The following CTNND2 variants were observed in gnomAD, a reference collection of about 807,000 sequenced individuals.
CTNND2 encodes catenin delta 2, also known as catenin delta-2.
Under a neutral mutation model 144.4 loss-of-function variants are expected in CTNND2, and 22 were observed. That is an observed-to-expected ratio of 0.15 (90% CI 0.11 to 0.22). The LOEUF (loss-of-function observed/expected upper bound fraction) is 0.22, where lower values mean the gene tolerates loss of function less well. Among genes scored for constraint, CTNND2 ranks in the 10% least tolerant of loss-of-function variants. The pLI, the probability that CTNND2 is intolerant of heterozygous loss-of-function variation, is 1.00. For missense variants in CTNND2, 1,353 were observed against 1,618.8 expected (o/e 0.84, Z 2.82); for synonymous variants, 751 against 695.6 (o/e 1.08, Z -1.25).
rs549384576 is a variant in CTNND2 at position 11,742,217 on chromosome 5, T to A, written c.38-9945A>T. On this transcript the variant is annotated intron_variant, in intron 1 of 21. Transcript: ENST00000304623. ...CTTATGGAGGAAAAAAATATATTGA[T>A]GACTTCTAAACATTGCTTGTCAAAT... Among the ~76,000 whole-genome samples, 205 of 152,300 alleles carry A rather than the reference T, an allele frequency of 1.3e-3. 1 individual carries two copies. The Middle Eastern group carries it at 0.014, about 10-fold the overall frequency.
At chr5:11,813,698 G>C (rs1371013678) in intron 1 of CTNND2, among the ~76,000 whole-genome samples, 1 of 151,938 alleles carries the variant, frequency 6.6e-6, no homozygotes, top group Non-Finnish European at 1.5e-5. Flanking sequence ...ATTTTTTGTA[G>C]AGACAGGGTC....
At chr5:11,615,680 T>C (rs992557996) in intron 2 of CTNND2, among the ~76,000 whole-genome samples, 1 of 152,196 alleles carries the variant, frequency 6.6e-6, no homozygotes, top group Admixed American at 6.6e-5. Context: ...AAACTCTATA[T>C]TCTGGCTGTT....
At chr5:11,843,772 CTT>C (rs906364946) in intron 1 of CTNND2, among the ~76,000 whole-genome samples, 2 of 152,110 alleles carry the variant, frequency 1.3e-5, no homozygotes, top group African/African-American at 2.4e-5. Context: ...GAAATTGACT[CTT>C]TGACTCTATT....
chr5:11,026,355 TC>T (rs1263449870), intron 16 of CTNND2, among the ~76,000 whole-genome samples: 2 of 124,942 alleles, frequency 1.6e-5, no homozygotes, highest in Non-Finnish European at 3.4e-5. Flanking sequence ...ACCTTCTTCT[TC>T]TTTTTTTTTT....
rs116832206 is a variant in CTNND2, at chr5:11,207,283, G to A, written c.1762-7622C>T. Among the ~76,000 whole-genome samples the A allele has an allele frequency of 2.2e-3, 331 of 151,632 alleles. 3 individuals carry two copies. Among genetic ancestry groups the A allele is most frequent in the African/African-American group, 6.7e-3 (278 of 41,280 alleles). Reference sequence around the variant, plus strand: ...GATAGCATTAGGAGAAATACCTAACGTACATGACGGGTTGATGGGTGCAGA... The same window carrying A: ...GATAGCATTAGGAGAAATACCTAACATACATGACGGGTTGATGGGTGCAGA... On this transcript the variant is annotated intron_variant, in intron 10 of 21. Transcript: ENST00000304623.
At chr5:11,377,607 C>CA (rs1335839317) in intron 7 of CTNND2, among the ~76,000 whole-genome samples, 2 of 151,640 alleles carry the variant, frequency 1.3e-5, no homozygotes, top group Non-Finnish European at 2.9e-5. Context: ...TACCAAAGAA[C>CA]AAAAAAAGGA....
intron 11 of CTNND2, among the ~76,000 whole-genome samples, chr5:11,194,978 T>C (rs1183307618): frequency 3.3e-5 from 5 of 151,948 alleles, no homozygotes; most frequent in African/African-American, 1.2e-4. Flanking sequence ...GAACATATGA[T>C]AAAAAGGCAA....
intron 16 of CTNND2, among the ~76,000 whole-genome samples, chr5:11,064,959 G>A (rs1319467507): frequency 6.6e-6 from 1 of 152,150 alleles, no homozygotes; most frequent in African/African-American, 2.4e-5. Flanking sequence ...AGGAGCTGGT[G>A]GGTTACAGAT....
chr5:11,732,394 C>A, intron 1 of CTNND2, 122 bp from the exon 2 acceptor site: 1 of 849,726 alleles, frequency 1.2e-6, no homozygotes, highest in Non-Finnish European at 1.8e-6. Flanking sequence ...TGAGAAAGAC[C>A]AAGACATAAT....
intron 16 of CTNND2, among the ~76,000 whole-genome samples, chr5:11,081,642 A>C (rs1195431100): frequency 1.3e-5 from 2 of 152,300 alleles, no homozygotes; most frequent in African/African-American, 4.8e-5. Context: ...TCATAACATC[A>C]CTTTGTGTCC....
chr5:11,565,034 G>T lies in CTNND2; in HGVS notation c.197C>A (p.Thr66Asn). 6.2e-7 allele frequency: 1 copy of T among 1,613,920 alleles called. No homozygotes were observed. Among genetic ancestry groups the T allele is most frequent in the Non-Finnish European group, 8.5e-7 (1 of 1,179,806 alleles). Residue 66 changes from threonine (T) to asparagine (N), a missense_variant, in exon 3 of 22, where the codon ACC becomes AAC. Physicochemically the swap from Thr to Asn is moderately conservative, Grantham distance 65 (BLOSUM62 0). Around this residue, in one of 4 missense-constraint regions of CTNND2, gnomAD observed 708 missense variants for 706.4 expected, o/e 1.00. Coordinates refer to ENST00000304623, the MANE Select transcript of CTNND2 (RefSeq NM_001332.4). The part of the protein sequence containing the change: ...KEQELQFERL[T>N]RELEAERQIV... ...CTGCCGTTCAGCCTCCAGCTCTCGG[G>T]TCAGCCTTTCAAACTGTAATTCCTG...
intron 12 of CTNND2, among the ~76,000 whole-genome samples, chr5:11,133,301 AG>A (rs1236982593): frequency 2.0e-5 from 3 of 152,146 alleles, no homozygotes; most frequent in Non-Finnish European, 1.5e-5. Flanking sequence ...GTCTTCTCCC[AG>A]TAACTAGTAA....
chr5:11,633,593 T>C (rs1234762733), intron 2 of CTNND2, among the ~76,000 whole-genome samples: 1 of 151,984 alleles, frequency 6.6e-6, no homozygotes, highest in Non-Finnish European at 1.5e-5. Flanking sequence ...ATGGCCAACA[T>C]AGTGAAACCC....
chr5:11,171,299 G>A (rs974503719), intron 11 of CTNND2, among the ~76,000 whole-genome samples: 6 of 152,212 alleles, frequency 3.9e-5, no homozygotes, highest in African/African-American at 1.4e-4. Flanking sequence ...GAATGAGAGA[G>A]AGAGCTGGGG....
intron 2 of CTNND2, among the ~76,000 whole-genome samples, chr5:11,576,634 C>T (rs940600078): frequency 2.6e-5 from 4 of 152,026 alleles, no homozygotes; most frequent in African/African-American, 7.2e-5. Context: ...GTGAAATCTA[C>T]ATTAAAAAAA....
intron 9 of CTNND2, among the ~76,000 whole-genome samples, chr5:11,288,638 C>T (rs1052680157): frequency 1.3e-5 from 2 of 151,842 alleles, no homozygotes; most frequent in African/African-American, 4.8e-5. Flanking sequence ...AGAGGTAAAC[C>T]AATGGATTCT....
chr5:10,998,527 C>T (rs576366677), intron 18 of CTNND2, among the ~76,000 whole-genome samples: 5 of 152,282 alleles, frequency 3.3e-5, no homozygotes, highest in East Asian at 1.9e-4. Context: ...TCTCATTCAT[C>T]GATGCAGAGT....
chr5:11,295,947 C>T (rs1452119929), intron 9 of CTNND2, among the ~76,000 whole-genome samples: 2 of 151,988 alleles, frequency 1.3e-5, no homozygotes, highest in African/African-American at 2.4e-5. Flanking sequence ...TCTGAAACAC[C>T]AAAAGCAATG....
At chr5:11,150,806 A>G (rs1045774339) in intron 12 of CTNND2, among the ~76,000 whole-genome samples, 1 of 151,662 alleles carries the variant, frequency 6.6e-6, no homozygotes, top group Non-Finnish European at 1.5e-5. Flanking sequence ...TTTTATTTTT[A>G]GTAGAGATGG....
Sources: allele counts gnomAD v4.1 joint callset (sites outside exome capture counted in the v4.1 genomes callset), GRCh38; gene constraint gnomAD v4.1.1; regional missense constraint gnomAD v4.1.1; transcripts MANE v1.5; gene names NCBI Gene and HGNC (gene_info 2026-07-23, HGNC 2026-07-21).